Variants in LRP1B observed in about 807,000 individuals in gnomAD.
The protein encoded by LRP1B is low-density lipoprotein receptor-related protein 1B.
In LRP1B, 217 loss-of-function variants were observed where a neutral mutation model predicts 556.6. The ratio of observed to expected loss-of-function variants is 0.39; its 90% CI spans 0.35 to 0.44. The LOEUF (loss-of-function observed/expected upper bound fraction) is 0.44. LRP1B is among the 20% of genes least tolerant of loss of function. The pLI is 1.00. For synonymous variants in LRP1B, 2,047 were observed against 1,865.8 expected (o/e 1.10, Z -2.50); for missense variants, 5,053 against 5,620.8 (o/e 0.90, Z 3.23).
Position 140,635,652 on chromosome 2 carries a change from C to CTATACTA in LRP1B, c.6800-34020_6800-34014dup, listed in dbSNP as rs547124191. ...TCATCTGTACTCTGAGTTTTATGTC[C>CTATACTA]TATACTATATACTATATACTATATA... On this transcript the variant is annotated intron_variant, in intron 41 of 90. Transcript: ENST00000389484. Among the ~76,000 whole-genome samples, 38 of 151,890 alleles carry CTATACTA rather than the reference C, an allele frequency of 2.5e-4. 1 individual carries two copies. Among genetic ancestry groups the CTATACTA allele is most frequent in the Admixed American group, 1.1e-3 (17 of 15,252 alleles).
At chr2:141,943,587 G>A (rs1700876780) in intron 1 of LRP1B, among the ~76,000 whole-genome samples, 1 of 152,032 alleles carries the variant, frequency 6.6e-6, no homozygotes, top group South Asian at 2.1e-4. Context: ...CTTCAGTGTT[G>A]CATTAACTCC....
At chr2:141,884,762 A>G (rs983283713) in intron 1 of LRP1B, among the ~76,000 whole-genome samples, 6 of 152,224 alleles carry the variant, frequency 3.9e-5, no homozygotes, top group African/African-American at 1.2e-4. Flanking sequence ...TTGCCCTCAC[A>G]GAAGAGATTA....
chr2:140,329,823 G>A (rs767589447), intron 79 of LRP1B, among the ~76,000 whole-genome samples: 1 of 151,414 alleles, frequency 6.6e-6, no homozygotes, highest in Non-Finnish European at 1.5e-5. Flanking sequence ...ACTACCCAAA[G>A]TAATTTATAC....
chr2:141,066,298 G>A (rs1022799601), intron 7 of LRP1B, among the ~76,000 whole-genome samples: 7 of 151,888 alleles, frequency 4.6e-5, no homozygotes, highest in African/African-American at 1.7e-4. Context: ...ACATCTTTGT[G>A]ATTATATGAG....
At chr2:141,014,770 A>G (rs2105387475) in intron 13 of LRP1B, among the ~76,000 whole-genome samples, 1 of 152,208 alleles carries the variant, frequency 6.6e-6, no homozygotes, top group Non-Finnish European at 1.5e-5. Flanking sequence ...CTTCTAAGGA[A>G]GCATAAAGAT....
chr2:140,502,198 G>T (rs1175202834), intron 54 of LRP1B, among the ~76,000 whole-genome samples: 3 of 151,950 alleles, frequency 2.0e-5, no homozygotes, highest in African/African-American at 7.2e-5. Flanking sequence ...TTTAATGATA[G>T]TTTGACAATT....
intron 11 of LRP1B, among the ~76,000 whole-genome samples, chr2:141,030,047 T>C (rs1698322510): frequency 6.6e-6 from 1 of 152,168 alleles, no homozygotes; most frequent in Non-Finnish European, 1.5e-5. Context: ...GTGAATGATA[T>C]TTCTCAGACT....
intron 2 of LRP1B, among the ~76,000 whole-genome samples, chr2:141,657,057 A>G (rs1441608322): frequency 2.0e-5 from 3 of 152,112 alleles, no homozygotes; most frequent in African/African-American, 7.2e-5. Flanking sequence ...ACATAAAACT[A>G]CAGCTTGAAG....
intron 77 of LRP1B, among the ~76,000 whole-genome samples, chr2:140,339,050 T>G (rs1681242910): frequency 1.3e-5 from 2 of 151,756 alleles, no homozygotes; most frequent in African/African-American, 4.8e-5. Context: ...GACAGACGAT[T>G]TCTTTTCTAA....
chr2:140,942,758 G>T (rs1288053306), intron 20 of LRP1B, among the ~76,000 whole-genome samples: 1 of 151,934 alleles, frequency 6.6e-6, no homozygotes, highest in South Asian at 2.1e-4. Flanking sequence ...ACTACCACTG[G>T]ACTGGTCTTA....
intron 2 of LRP1B, among the ~76,000 whole-genome samples, chr2:141,501,063 A>G (rs1359545734): frequency 5.9e-5 from 9 of 152,146 alleles, no homozygotes; most frequent in Non-Finnish European, 1.2e-4. Flanking sequence ...AAAAACATAT[A>G]TATCTTGAAA....
rs182254238 is a variant in LRP1B at position 141,853,322 on chromosome 2, G to A, written c.83-42921C>T. Among the ~76,000 whole-genome samples, 59 of 151,314 alleles carry A rather than the reference G, an allele frequency of 3.9e-4. 1 individual carries two copies. Among genetic ancestry groups the A allele is most frequent in the Non-Finnish European group, 6.4e-4 (43 of 67,678 alleles). On this transcript the variant is annotated intron_variant, in intron 1 of 90. Transcript: ENST00000389484. ...CCACCATCACCATTTAAGTTATAAC[G>A]GTTATGAAGAATCACGCAATAGAAA...
At chr2:141,290,169 C>A (rs919068266) in intron 3 of LRP1B, among the ~76,000 whole-genome samples, 1 of 152,090 alleles carries the variant, frequency 6.6e-6, no homozygotes, top group African/African-American at 2.4e-5. Context: ...ATTTAAACAC[C>A]CTTTTATGGA....
chr2:140,491,373 T>C (rs1156706316), intron 57 of LRP1B, among the ~76,000 whole-genome samples: 2 of 152,082 alleles, frequency 1.3e-5, no homozygotes, highest in Non-Finnish European at 2.9e-5. Context: ...TGTATATATA[T>C]ACAGCTTATA....
At chr2:141,790,969 T>G (rs1695590239) in intron 2 of LRP1B, among the ~76,000 whole-genome samples, 1 of 152,050 alleles carries the variant, frequency 6.6e-6, no homozygotes, top group Non-Finnish European at 1.5e-5. Context: ...GGTGCTACAG[T>G]AAACTTGACA....
chr2:141,314,480 G>T (rs2105455465), intron 3 of LRP1B, among the ~76,000 whole-genome samples: 1 of 152,110 alleles, frequency 6.6e-6, no homozygotes, highest in Admixed American at 6.5e-5. Context: ...CAACTAAACT[G>T]AGATTAAACG....
At chr2:141,843,042 A>T (rs905760656) in intron 1 of LRP1B, among the ~76,000 whole-genome samples, 5 of 152,124 alleles carry the variant, frequency 3.3e-5, no homozygotes, top group Admixed American at 3.3e-4. Context: ...GAGAGGGAAA[A>T]TGAAACCTAG....
chr2:141,450,369 T>A (rs1258072534), intron 3 of LRP1B, among the ~76,000 whole-genome samples: 1 of 152,194 alleles, frequency 6.6e-6, no homozygotes, highest in Non-Finnish European at 1.5e-5. Context: ...ATATTTAACA[T>A]CTTTAATCCT....
chr2:142,092,010 G>A (rs572112797), intron 1 of LRP1B, among the ~76,000 whole-genome samples: 35 of 152,150 alleles, frequency 2.3e-4, no homozygotes, highest in African/African-American at 5.8e-4. Context: ...TGCTGCCAGC[G>A]GGTGAAAAAC....
Sources: allele counts gnomAD v4.1 joint callset (sites outside exome capture counted in the v4.1 genomes callset), GRCh38; gene constraint gnomAD v4.1.1; transcripts MANE v1.5; gene names NCBI Gene and HGNC (gene_info 2026-07-23, HGNC 2026-07-21).